The following PLXDC2 variants were observed in gnomAD, a reference collection of about 807,000 sequenced individuals.
PLXDC2 encodes plexin domain containing 2.
In PLXDC2, 40 loss-of-function variants were observed where a neutral mutation model predicts 68.9. The ratio of observed to expected loss-of-function variants is 0.58; its 90% CI spans 0.45 to 0.76. The LOEUF (loss-of-function observed/expected upper bound fraction) is 0.76, where lower values mean the gene tolerates loss of function less well. PLXDC2 is among the 30% of genes least tolerant of loss of function. PLXDC2 has a pLI of 0.00. For missense variants in PLXDC2, 644 were observed against 661.9 expected (o/e 0.97, Z 0.30); for synonymous variants, 243 against 234.2 (o/e 1.04, Z -0.34).
intron 1 of PLXDC2, among the ~76,000 whole-genome samples, chr10:19,978,752 A>G (rs757754441): frequency 2.0e-5 from 3 of 152,200 alleles, no homozygotes; most frequent in Admixed American, 1.3e-4. Flanking sequence ...AAAACTCAGC[A>G]CTTTAGTTTT....
At chr10:19,933,747 C>T (rs996029197) in intron 1 of PLXDC2, among the ~76,000 whole-genome samples, 1 of 151,040 alleles carries the variant, frequency 6.6e-6, no homozygotes, top group Admixed American at 6.6e-5. Flanking sequence ...CTTTCATTTT[C>T]CACTGAAAAG....
At chr10:20,087,811 T>G (rs1564310867) in intron 4 of PLXDC2, among the ~76,000 whole-genome samples, 1 of 152,236 alleles carries the variant, frequency 6.6e-6, no homozygotes, top group Non-Finnish European at 1.5e-5. Context: ...ACTGTGGTTT[T>G]CATGGCCCAT....
chr10:20,138,626 A>T (rs1833963267), intron 4 of PLXDC2, among the ~76,000 whole-genome samples: 1 of 152,196 alleles, frequency 6.6e-6, no homozygotes, highest in Non-Finnish European at 1.5e-5. Context: ...AAGAAAATAC[A>T]TGAAGGTTGG....
At chr10:20,148,038 T>C in intron 6 of PLXDC2, 136 bp downstream of exon 6, 1 of 647,790 alleles carries the variant, frequency 1.5e-6, no homozygotes, top group East Asian at 2.7e-5. Context: ...CTTTGCTTAA[T>C]AAAAAATGTT....
At chr10:20,245,575 G>T in intron 13 of PLXDC2, 70 bp downstream of exon 13, 1 of 1,470,204 alleles carries the variant, frequency 6.8e-7, no homozygotes. Flanking sequence ...AACACCACCT[G>T]GATTTAATAT....
In PLXDC2 at chr10:19,991,247, A is replaced by T. The variant is rs1193353933; in HGVS notation, c.113-10528A>T. 9.3e-5 allele frequency among the ~76,000 whole-genome samples: 7 copies of T among 75,620 alleles called. 1 individual carries two copies. The highest frequency in any genetic ancestry group is 3.6e-4 in the African/African-American group (6 of 16,700). 49.6% of individuals were successfully genotyped at this position (75,620 alleles called of 152,430 possible). Reference sequence around the variant, plus strand: ...GGCAACAAGACCGAAACTCTCTCTCAAAAAAAAAAAAACAACAACTGTGAT... The same window carrying T: ...GGCAACAAGACCGAAACTCTCTCTCTAAAAAAAAAAAACAACAACTGTGAT... On this transcript the variant is annotated intron_variant, in intron 1 of 13. Transcript: ENST00000377252.
At position 19,870,527 on chromosome 10, in the gene PLXDC2, G is replaced by C. The variant is rs1318815897; in HGVS notation, c.112+53336G>C. ...TGCAATCTCTGCCTCCCGGGTTCAAGTGATTTTCCTGCCTCAGCCTCCCAA... is the reference window on the plus strand; with the variant it reads ...TGCAATCTCTGCCTCCCGGGTTCAACTGATTTTCCTGCCTCAGCCTCCCAA... On this transcript the variant is annotated intron_variant, in intron 1 of 13. Transcript: ENST00000377252. Among the ~76,000 whole-genome samples, 74 of 152,160 alleles carry C rather than the reference G, an allele frequency of 4.9e-4. 1 individual carries two copies. The highest frequency in any genetic ancestry group is 2.9e-5 in the Non-Finnish European group (2 of 68,020).
intron 4 of PLXDC2, among the ~76,000 whole-genome samples, chr10:20,118,759 A>T (rs1021637415): frequency 6.6e-6 from 1 of 152,230 alleles, no homozygotes; most frequent in Non-Finnish European, 1.5e-5. Flanking sequence ...TTCCAGGGAC[A>T]GGATTATACT....
chr10:20,208,882 G>C (rs2358850), intron 9 of PLXDC2, among the ~76,000 whole-genome samples: 103,989 of 151,812 alleles, frequency 0.68, 36,018 homozygotes, highest in East Asian at 0.95. Context: ...TCGGCAGGTT[G>C]CGTGATGCTC....
At chr10:20,254,533 A>G (rs1289496857) in intron 13 of PLXDC2, among the ~76,000 whole-genome samples, 1 of 152,186 alleles carries the variant, frequency 6.6e-6, no homozygotes, top group Admixed American at 6.5e-5. Flanking sequence ...CTTCAGTTTT[A>G]AAGAAAACTC....
intron 12 of PLXDC2, among the ~76,000 whole-genome samples, chr10:20,222,914 T>A (rs1835232824): frequency 6.6e-6 from 1 of 152,204 alleles, no homozygotes; most frequent in Non-Finnish European, 1.5e-5. Context: ...ACATGTGTAA[T>A]ATTAAGTTTA....
intron 1 of PLXDC2, among the ~76,000 whole-genome samples, chr10:19,856,308 C>G (rs1837210972): frequency 6.6e-6 from 1 of 151,380 alleles, no homozygotes; most frequent in African/African-American, 2.4e-5. Flanking sequence ...TAACATTATA[C>G]TAATAAAAGT....
chr10:20,134,861 G>A (rs1024690937), intron 4 of PLXDC2, among the ~76,000 whole-genome samples: 3 of 152,154 alleles, frequency 2.0e-5, no homozygotes, highest in Non-Finnish European at 4.4e-5. Flanking sequence ...GAGCCTGCCT[G>A]AAGGGGTTCA....
chr10:20,019,127 A>G (rs919982670), intron 2 of PLXDC2, among the ~76,000 whole-genome samples: 1 of 151,400 alleles, frequency 6.6e-6, no homozygotes, highest in African/African-American at 2.4e-5. Context: ...TTAAGAAAAA[A>G]TTTTTTAAAT....
rs528801121 is a variant in PLXDC2 at position 19,962,779 on chromosome 10, G to C, written c.113-38996G>C. Among the ~76,000 whole-genome samples, 22 of 149,152 alleles carry C rather than the reference G, an allele frequency of 1.5e-4. No homozygotes were observed. In the East Asian group the frequency reaches 4.5e-3, roughly 31 times the overall value. On this transcript the variant is annotated intron_variant, in intron 1 of 13. Coordinates refer to ENST00000377252, the MANE Select transcript of PLXDC2 (RefSeq NM_032812.9). ...GGCTGGGCGGATCACGAGGTCAGGA[G>C]ATCGAGACCATCCTGGCTAACACGG...
In PLXDC2 at chr10:20,281,084, T is replaced by C. The variant is rs573404469; in HGVS notation, c.*1265T>C. On this transcript the variant is annotated 3_prime_UTR_variant, in exon 14 of 14. Transcript: ENST00000377252. ...ATATTTTTCTGTCACTTAGCAAAAGTGGTTCAGTTCATTGCCGCGCCCATC... is the reference window on the plus strand; with the variant it reads ...ATATTTTTCTGTCACTTAGCAAAAGCGGTTCAGTTCATTGCCGCGCCCATC... The C allele has an allele frequency of 2.3e-4, 35 of 152,216 alleles. No individual in the cohort carries two copies. Among genetic ancestry groups the C allele is most frequent in the Non-Finnish European group, 4.6e-4 (31 of 67,996 alleles). 9.4% of individuals were successfully genotyped at this position (152,216 alleles called of 1,614,324 possible).
rs937893490 is a variant in PLXDC2 at position 20,287,380 on chromosome 10, G to C, written c.*7561G>C. On this transcript the variant is annotated 3_prime_UTR_variant, in exon 14 of 14. Coordinates refer to ENST00000377252, the MANE Select transcript of PLXDC2 (RefSeq NM_032812.9). Reference sequence around the variant, plus strand: ...CAATAAAATAATTTTCCTGAGGAAAGGTTAAGAGATGGCACTTTCCTTTCC... The same window carrying C: ...CAATAAAATAATTTTCCTGAGGAAACGTTAAGAGATGGCACTTTCCTTTCC... 5 of 152,178 alleles carry C rather than the reference G, an allele frequency of 3.3e-5. No homozygotes were observed. Among genetic ancestry groups the C allele is most frequent in the Non-Finnish European group, 7.3e-5 (5 of 68,040 alleles). The allele number at this position is 152,178 out of a possible 1,614,324, so 9.4% of individuals were successfully genotyped here. A position where few individuals can be genotyped will look rare whatever the true frequency, so the allele number is the denominator to read the frequency against.
chr10:19,914,129 G>GGAAGGAAA (rs1833324909), intron 1 of PLXDC2, among the ~76,000 whole-genome samples: 1 of 150,128 alleles, frequency 6.7e-6, no homozygotes, highest in Non-Finnish European at 1.5e-5. Flanking sequence ...GAGGTAGGGA[G>GGAAGGAAA]GAAGGAAAGA....
At chr10:19,998,075 A>G (rs1589577250) in intron 1 of PLXDC2, among the ~76,000 whole-genome samples, 2 of 152,326 alleles carry the variant, frequency 1.3e-5, no homozygotes, top group South Asian at 4.1e-4. Flanking sequence ...ATTAACATAC[A>G]GTAGACCGAA....
Sources: allele counts gnomAD v4.1 joint callset (sites outside exome capture counted in the v4.1 genomes callset), GRCh38; gene constraint gnomAD v4.1.1; transcripts MANE v1.5; gene names NCBI Gene and HGNC (gene_info 2026-07-23, HGNC 2026-07-21).